RAD51B: variants seen among roughly 807,000 people sequenced by gnomAD.
The protein encoded by RAD51B is DNA repair protein RAD51 homolog 2.
A neutral mutation model predicts 42.2 loss-of-function variants in RAD51B; 38 were observed. The observed-to-expected ratio is 0.90, with a 90% CI of 0.70 to 1.18. The LOEUF (loss-of-function observed/expected upper bound fraction) is 1.18, where lower values mean the gene tolerates loss of function less well. Among genes scored for constraint, RAD51B ranks in the 50% most tolerant of loss-of-function variants. RAD51B has a pLI of 0.00. For synonymous variants in RAD51B, 154 were observed against 145.2 expected (o/e 1.06, Z -0.43); for missense variants, 373 against 400.7 (o/e 0.93, Z 0.59).
chr14:68,224,911 T>A (rs1337458806), intron 7 of RAD51B, among the ~76,000 whole-genome samples: 2 of 152,098 alleles, frequency 1.3e-5, no homozygotes, highest in African/African-American at 4.8e-5. Context: ...CAGGCTGGTC[T>A]TGAACTCCTG....
At chr14:68,015,820 G>A (rs2075770171) in intron 7 of RAD51B, among the ~76,000 whole-genome samples, 1 of 152,128 alleles carries the variant, frequency 6.6e-6, no homozygotes, top group Non-Finnish European at 1.5e-5. Context: ...CAAAATTTTT[G>A]ATAGCCTTAA....
chr14:68,246,186 A>C (rs2080494370), intron 7 of RAD51B, among the ~76,000 whole-genome samples: 1 of 152,158 alleles, frequency 6.6e-6, no homozygotes, highest in Non-Finnish European at 1.5e-5. Flanking sequence ...AGGGAGAAAA[A>C]AGAATTCAGC....
intron 10 of RAD51B, chr14:68,627,488 G>T (rs1892113533): frequency 6.6e-6 from 1 of 152,180 alleles, no homozygotes; most frequent in South Asian, 2.1e-4. Context: ...TGTCTGATGG[G>T]GGAGATCCAT....
chr14:68,287,907 C>T (rs2081443486), intron 7 of RAD51B, among the ~76,000 whole-genome samples: 2 of 152,244 alleles, frequency 1.3e-5, no homozygotes, highest in Non-Finnish European at 2.9e-5. Context: ...TATTATCATA[C>T]CCAGAGAGAC....
intron 7 of RAD51B, among the ~76,000 whole-genome samples, chr14:67,916,480 G>T (rs901920806): frequency 6.6e-6 from 1 of 151,986 alleles, no homozygotes; most frequent in East Asian, 1.9e-4. Context: ...GGCCTCAAGT[G>T]ATCCTCCTTG....
chr14:68,592,971 G>A (rs1350746427), intron 10 of RAD51B, among the ~76,000 whole-genome samples: 1 of 152,152 alleles, frequency 6.6e-6, no homozygotes, highest in Non-Finnish European at 1.5e-5. Flanking sequence ...TTGAAATGAG[G>A]GACCTTGCAT....
chr14:68,379,797 A>G (rs2083443911), intron 8 of RAD51B, among the ~76,000 whole-genome samples: 1 of 152,204 alleles, frequency 6.6e-6, no homozygotes, highest in Non-Finnish European at 1.5e-5. Context: ...TCACATTTTA[A>G]TCAAGGCAAC....
At chr14:68,644,528 C>T (rs1892527112) in intron 10 of RAD51B, among the ~76,000 whole-genome samples, 1 of 152,234 alleles carries the variant, frequency 6.6e-6, no homozygotes, top group Non-Finnish European at 1.5e-5. Flanking sequence ...GGGGCTCTGC[C>T]TAGAAACAGG....
At chr14:68,657,693 G>T (rs1253786265) in intron 11 of RAD51B, among the ~76,000 whole-genome samples, 1 of 152,254 alleles carries the variant, frequency 6.6e-6, no homozygotes, top group Non-Finnish European at 1.5e-5. Context: ...AAGGAAGCCT[G>T]CAGGCAGGAA....
intron 9 of RAD51B, among the ~76,000 whole-genome samples, chr14:68,428,208 T>G (rs1008250049): frequency 6.6e-6 from 1 of 152,192 alleles, no homozygotes; most frequent in African/African-American, 2.4e-5. Flanking sequence ...CAAAATGGAC[T>G]AAGACAATAT....
intron 7 of RAD51B, among the ~76,000 whole-genome samples, chr14:68,008,481 G>A (rs1359000925): frequency 2.0e-5 from 3 of 151,706 alleles, no homozygotes; most frequent in Non-Finnish European, 4.4e-5. Flanking sequence ...GATTACCTTC[G>A]GGCGGTGTAA....
intron 7 of RAD51B, among the ~76,000 whole-genome samples, chr14:68,006,577 G>T (rs1420523946): frequency 6.6e-6 from 1 of 151,854 alleles, no homozygotes; most frequent in African/African-American, 2.4e-5. Context: ...ATACTGTTTT[G>T]TACCTTATTT....
chr14:68,206,676 AT>A (rs1191775941), intron 7 of RAD51B, among the ~76,000 whole-genome samples: 3,130 of 131,292 alleles, frequency 0.024, 92 homozygotes, highest in African/African-American at 0.073. Flanking sequence ...TCCACCGTCT[AT>A]TTTTTTTTTT....
At chr14:68,638,642 G>A (rs11848320) in intron 10 of RAD51B, among the ~76,000 whole-genome samples, 12,431 of 151,936 alleles carry the variant, frequency 0.082, 790 homozygotes, top group African/African-American at 0.17. Flanking sequence ...GGCCCAGTCG[G>A]GGACAAGTAA....
downstream of RAD51B, among the ~76,000 whole-genome samples, chr14:68,482,176 G>GGGGTGTGTGTGTGTGT: frequency 6.7e-6 from 1 of 149,912 alleles, no homozygotes; most frequent in African/African-American, 2.5e-5. Context: ...ATATTTTAGG[G>GGGGTGTGTGTGTGTGT]GTGTGTGTGT....
At chr14:68,468,542 T>G in intron 10 of RAD51B, 1 of 417,032 alleles carries the variant, frequency 2.4e-6, no homozygotes, top group Non-Finnish European at 4.6e-6. Flanking sequence ...TACCACCCCA[T>G]TCCTCTTTGC....
intron 7 of RAD51B, among the ~76,000 whole-genome samples, chr14:68,189,266 T>A (rs929323440): frequency 1.3e-5 from 2 of 152,138 alleles, no homozygotes; most frequent in African/African-American, 4.8e-5. Flanking sequence ...TTTTAGTCAT[T>A]CTTATATCAC....
chr14:67,932,338 T>A (rs1186141796), intron 7 of RAD51B, among the ~76,000 whole-genome samples: 1 of 152,234 alleles, frequency 6.6e-6, no homozygotes, highest in African/African-American at 2.4e-5. Context: ...CTGTGTTATC[T>A]GTGATTTCCT....
intron 7 of RAD51B, among the ~76,000 whole-genome samples, chr14:68,275,577 T>C (rs2139602677): frequency 6.6e-6 from 1 of 152,256 alleles, no homozygotes; most frequent in African/African-American, 2.4e-5. Flanking sequence ...GCTATCAGGA[T>C]ACGCATGGAT....
Sources: allele counts gnomAD v4.1 joint callset (sites outside exome capture counted in the v4.1 genomes callset), GRCh38; gene constraint gnomAD v4.1.1; transcripts MANE v1.5; gene names NCBI Gene and HGNC (gene_info 2026-07-23, HGNC 2026-07-21).